Variants in CNTN5 observed in about 807,000 individuals in gnomAD.
CNTN5 encodes contactin-5.
In CNTN5, 77 loss-of-function variants were observed where a neutral mutation model predicts 129.1. That is an observed-to-expected ratio of 0.60 (90% CI 0.50 to 0.72). CNTN5 has a LOEUF of 0.72. Among genes scored for constraint, CNTN5 ranks in the 30% least tolerant of loss-of-function variants. The pLI is 0.00. For missense variants in CNTN5, 1,478 were observed against 1,328.8 expected (o/e 1.11, Z -1.75); for synonymous variants, 509 against 465.6 (o/e 1.09, Z -1.20).
intron 1 of CNTN5, among the ~76,000 whole-genome samples, chr11:99,273,643 C>A (rs1260046767): frequency 6.6e-6 from 1 of 151,246 alleles, no homozygotes; most frequent in Non-Finnish European, 1.5e-5. Flanking sequence ...ATTTTGATAC[C>A]TTTTTTCTTG....
intron 6 of CNTN5, among the ~76,000 whole-genome samples, chr11:99,909,522 T>C (rs1251529392): frequency 1.3e-5 from 2 of 152,140 alleles, no homozygotes; most frequent in East Asian, 1.9e-4. Context: ...GTTATGTTTA[T>C]TGAGGCACTA....
At chr11:100,249,780 T>C (rs575181754) in intron 16 of CNTN5, among the ~76,000 whole-genome samples, 4 of 152,274 alleles carry the variant, frequency 2.6e-5, no homozygotes, top group South Asian at 2.1e-4. Flanking sequence ...GTAGAATCAT[T>C]AACAGGCCTT....
intron 19 of CNTN5, among the ~76,000 whole-genome samples, chr11:100,298,318 C>T (rs1951139405): frequency 2.6e-5 from 4 of 151,334 alleles, no homozygotes; most frequent in South Asian, 2.1e-4. Flanking sequence ...CCCTTTTCTT[C>T]GATAAAACTT....
chr11:100,075,430 G>A (rs1944089675), intron 13 of CNTN5, among the ~76,000 whole-genome samples: 2 of 152,108 alleles, frequency 1.3e-5, no homozygotes, highest in Non-Finnish European at 1.5e-5. Flanking sequence ...GCTAACAAGA[G>A]AAAAACATAA....
chr11:99,807,126 T>G (rs1211420984), intron 3 of CNTN5, among the ~76,000 whole-genome samples: 1 of 152,086 alleles, frequency 6.6e-6, no homozygotes, highest in Non-Finnish European at 1.5e-5. Flanking sequence ...TGAAATATGA[T>G]TTCCACTATA....
In CNTN5 at chr11:99,712,206, C is replaced by G. The variant is rs1400043464; in HGVS notation, c.56-107338C>G. Reference sequence around the variant, plus strand: ...TAAGATGGTATCTCATTGTGGTTTTCATTTGCATTTCTCTAATGACCAGTG... The same window carrying G: ...TAAGATGGTATCTCATTGTGGTTTTGATTTGCATTTCTCTAATGACCAGTG... On this transcript the variant is annotated intron_variant, in intron 3 of 24. Transcript: ENST00000524871. Among the ~76,000 whole-genome samples the G allele has an allele frequency of 7.9e-5, 12 of 152,016 alleles. No homozygotes were observed. The East Asian group carries it at 1.9e-3, about 25-fold the overall frequency.
At chr11:99,230,060 T>G (rs958979788) in intron 1 of CNTN5, among the ~76,000 whole-genome samples, 9 of 152,136 alleles carry the variant, frequency 5.9e-5, no homozygotes, top group African/African-American at 2.2e-4. Flanking sequence ...TTTTCTTGTG[T>G]GATTGATTTC....
intron 1 of CNTN5, among the ~76,000 whole-genome samples, chr11:99,113,503 G>T (rs1382616200): frequency 6.6e-6 from 1 of 152,050 alleles, no homozygotes. Flanking sequence ...TGGCAACTAA[G>T]ACTCAATCCT....
At chr11:99,479,413 T>G (rs370366140) in intron 2 of CNTN5, among the ~76,000 whole-genome samples, 1 of 152,072 alleles carries the variant, frequency 6.6e-6, no homozygotes, top group African/African-American at 2.4e-5. Flanking sequence ...TTGACTGGTT[T>G]TACTTAATTC....
At chr11:100,224,623 T>C in intron 15 of CNTN5, 69 bp from the exon 16 acceptor site, 1 of 1,503,148 alleles carries the variant, frequency 6.7e-7, no homozygotes. Context: ...TATGCAAAGT[T>C]CCCCCTTAAG....
At chr11:99,693,247 T>A (rs908100741) in intron 3 of CNTN5, among the ~76,000 whole-genome samples, 40 of 152,120 alleles carry the variant, frequency 2.6e-4, no homozygotes, top group Non-Finnish European at 4.9e-4. Context: ...TAAGGCTCAT[T>A]TTTGGCATCA....
chr11:99,637,837 A>G (rs965725058), intron 3 of CNTN5, among the ~76,000 whole-genome samples: 1 of 151,914 alleles, frequency 6.6e-6, no homozygotes, highest in South Asian at 2.1e-4. Flanking sequence ...TCCATTTTAT[A>G]TTCATAGCTC....
chr11:99,707,385 A>G (rs1245018279), intron 3 of CNTN5, among the ~76,000 whole-genome samples: 2 of 151,676 alleles, frequency 1.3e-5, no homozygotes, highest in Non-Finnish European at 3.0e-5. Flanking sequence ...ACACCTTCAA[A>G]GAACTATTCC....
chr11:100,063,723 A>AAAAAAAAAAAAAAAAAAAAAAATAC (rs1565206213), intron 10 of CNTN5, among the ~76,000 whole-genome samples: 1 of 151,370 alleles, frequency 6.6e-6, no homozygotes, highest in Non-Finnish European at 1.5e-5. Context: ...AAAAAAAAAA[A>AAAAAAAAAAAAAAAAAAAAAAATAC]AAAAATACAA....
intron 7 of CNTN5, among the ~76,000 whole-genome samples, chr11:99,956,413 G>A (rs1027182187): frequency 1.4e-4 from 21 of 151,858 alleles, no homozygotes; most frequent in African/African-American, 4.4e-4. Flanking sequence ...TTTACAATAA[G>A]GTCTATATCT....
chr11:100,284,043 C>T (rs565212490), intron 18 of CNTN5, among the ~76,000 whole-genome samples: 163 of 152,228 alleles, frequency 1.1e-3, no homozygotes, highest in African/African-American at 3.5e-3. Context: ...TATAACCAAG[C>T]GACACTGAAT....
At chr11:99,761,715 C>T (rs565527501) in intron 3 of CNTN5, among the ~76,000 whole-genome samples, 42 of 150,862 alleles carry the variant, frequency 2.8e-4, no homozygotes, top group African/African-American at 9.8e-4. Context: ...AATAATGCCG[C>T]AATAAACATA....
At chr11:99,828,902 C>A (rs2135596376) in intron 4 of CNTN5, among the ~76,000 whole-genome samples, 1 of 152,174 alleles carries the variant, frequency 6.6e-6, no homozygotes, top group South Asian at 2.1e-4. Flanking sequence ...TTCCCATATT[C>A]ATGGAATGTA....
At chr11:100,166,554 T>C (rs1473170502) in intron 13 of CNTN5, among the ~76,000 whole-genome samples, 1 of 151,742 alleles carries the variant, frequency 6.6e-6, no homozygotes, top group Non-Finnish European at 1.5e-5. Context: ...ATGGTAATCA[T>C]GCCAAGAACA....
Sources: allele counts gnomAD v4.1 joint callset (sites outside exome capture counted in the v4.1 genomes callset), GRCh38; gene constraint gnomAD v4.1.1; transcripts MANE v1.5; gene names NCBI Gene and HGNC (gene_info 2026-07-23, HGNC 2026-07-21).